RAD18: variants seen among roughly 807,000 people sequenced by gnomAD.
RAD18 encodes E3 ubiquitin-protein ligase RAD18.
RAD18 carries 47 observed loss-of-function variants against 60.4 expected under a neutral mutation model. That is an observed-to-expected ratio of 0.78 (90% CI 0.62 to 0.99). The LOEUF is 0.99. Among genes scored for constraint, RAD18 ranks in the 50% least tolerant of loss-of-function variants. RAD18 has a pLI of 0.00. For missense variants in RAD18, 640 were observed against 593.3 expected, an observed-to-expected ratio of 1.08 and a Z score of -0.82; for synonymous variants, 225 against 195.5, an observed-to-expected ratio of 1.15 and a Z score of -1.26.
At chr3:8,918,490 TA>T (rs979500933) in intron 7 of RAD18, among the ~76,000 whole-genome samples, 27 of 152,096 alleles carry the variant, frequency 1.8e-4, no homozygotes, top group Non-Finnish European at 3.4e-4. Context: ...TAAGTACAAC[TA>T]AAAACCCTGA....
rs878870076 is a variant in RAD18, at chr3:8,881,159, C to A, written c.*198G>T. On this transcript the variant is annotated 3_prime_UTR_variant, in exon 13 of 13. Transcript: ENST00000264926. The stretch of plus-strand genomic sequence containing the variant: ...TTTTTAGAGAGAGATGTTTTAGAGG[C>A]AGGAGGCAACTGACCAAGTAAGGAT... The A allele has an allele frequency of 7.7e-6, 4 of 519,906 alleles. No homozygotes were observed. Among genetic ancestry groups the A allele is most frequent in the African/African-American group, 5.9e-5 (3 of 50,930 alleles). 32.2% of individuals were successfully genotyped at this position (519,906 alleles called of 1,614,324 possible).
intron 12 of RAD18, among the ~76,000 whole-genome samples, chr3:8,885,424 C>T (rs997678879): frequency 3.3e-5 from 5 of 151,998 alleles, no homozygotes; most frequent in Admixed American, 2.0e-4. Flanking sequence ...CTTCCTTTTC[C>T]GATTTTATAA....
intron 7 of RAD18, among the ~76,000 whole-genome samples, chr3:8,920,553 A>G (rs981777206): frequency 7.2e-5 from 11 of 152,208 alleles, no homozygotes; most frequent in Non-Finnish European, 5.9e-5. Flanking sequence ...CAGCGGATGT[A>G]AAGTATAAAC....
Position 8,877,707 on chromosome 3 carries a change from A to G in RAD18, c.*3650T>C, listed in dbSNP as rs1303714816. On this transcript the variant is annotated 3_prime_UTR_variant, in exon 13 of 13. Transcript: ENST00000264926. ...TGCTCATCTTCCCTTCTGATCTACAAGCTCCATCAGGGCAGGAACTGTCTT... is the reference window on the plus strand; with the variant it reads ...TGCTCATCTTCCCTTCTGATCTACAGGCTCCATCAGGGCAGGAACTGTCTT... 1 of 152,200 alleles carries G rather than the reference A, an allele frequency of 6.6e-6. No homozygotes were observed. Among genetic ancestry groups the G allele is most frequent in the African/African-American group, 2.4e-5 (1 of 41,436 alleles). 9.4% of individuals were successfully genotyped at this position (152,200 alleles called of 1,614,324 possible).
intron 7 of RAD18, among the ~76,000 whole-genome samples, chr3:8,922,221 A>C (rs1940334717): frequency 6.6e-6 from 1 of 152,182 alleles, no homozygotes; most frequent in Non-Finnish European, 1.5e-5. Context: ...CACCTGGAAA[A>C]TTGGGTCACT....
chr3:8,881,858 A>T (rs45503596), intron 12 of RAD18, among the ~76,000 whole-genome samples: 5,031 of 152,326 alleles, frequency 0.033, 263 homozygotes, highest in African/African-American at 0.11. Flanking sequence ...TAAAATTCCA[A>T]AGAAAAATAT....
intron 12 of RAD18, among the ~76,000 whole-genome samples, chr3:8,883,090 A>G (rs1575529554): frequency 6.6e-6 from 1 of 152,344 alleles, no homozygotes; most frequent in East Asian, 1.9e-4. Context: ...ATACAAAGAG[A>G]AAAAGGAGTA....
At chr3:8,898,378 A>ATG (rs1307480671) in intron 11 of RAD18, among the ~76,000 whole-genome samples, 3 of 79,036 alleles carry the variant, frequency 3.8e-5, no homozygotes, top group Non-Finnish European at 7.8e-5. Flanking sequence ...GTGTGTGTGC[A>ATG]TGCGTGTGTG....
chr3:8,881,451 A>G lies in RAD18; in HGVS notation c.1394T>C (p.Leu465Pro). The stretch of plus-strand genomic sequence containing the variant: ...TCTTGGACTTATTTCTGTGTCTTGA[A>G]GATCGTTTCTGAAGACAGAAAAAGG... ...EAWEASHKND[L>P]QDTEISPRQN... is the part of the protein sequence containing the mutation. The change falls in exon 13 of 13, where the codon CTT becomes CCT. Residue 465 changes from leucine to proline, a missense_variant. Transcript: ENST00000264926. 6.2e-7 allele frequency: 1 copy of G among 1,606,290 alleles called. No individual in the cohort carries two copies. Among genetic ancestry groups the G allele is most frequent in the Non-Finnish European group, 8.5e-7 (1 of 1,173,090 alleles).
chr3:8,954,362 T>C (rs1267993964), intron 2 of RAD18, among the ~76,000 whole-genome samples: 2 of 152,384 alleles, frequency 1.3e-5, no homozygotes, highest in Non-Finnish European at 2.9e-5. Context: ...ACTATTAAGA[T>C]GCTAGACTCT....
intron 7 of RAD18, among the ~76,000 whole-genome samples, chr3:8,931,831 T>C (rs1183457017): frequency 6.6e-6 from 1 of 152,182 alleles, no homozygotes; most frequent in Non-Finnish European, 1.5e-5. Context: ...AGATTCTAGA[T>C]AGATTCACAT....
At chr3:8,921,557 A>T (rs1363087251) in intron 7 of RAD18, among the ~76,000 whole-genome samples, 1 of 152,130 alleles carries the variant, frequency 6.6e-6, no homozygotes, top group African/African-American at 2.4e-5. Flanking sequence ...CTGAAACAGG[A>T]GGATTCCTGG....
chr3:8,961,244 T>G (rs900114860), intron 1 of RAD18, among the ~76,000 whole-genome samples: 2 of 152,162 alleles, frequency 1.3e-5, no homozygotes, highest in African/African-American at 4.8e-5. Context: ...CACATGCGCC[T>G]CAACCAACTA....
At chr3:8,929,331 ATAACT>A (rs1440061206) in intron 7 of RAD18, among the ~76,000 whole-genome samples, 1 of 152,156 alleles carries the variant, frequency 6.6e-6, no homozygotes, top group African/African-American at 2.4e-5. Flanking sequence ...AGAAAAATTA[ATAACT>A]TATAGGTAGA....
chr3:8,913,593 A>T (rs755319244), intron 8 of RAD18, 51 bp downstream of exon 8: 1 of 1,283,498 alleles, frequency 7.8e-7, no homozygotes, highest in Non-Finnish European at 1.1e-6. Context: ...TTTGTAGGGT[A>T]TTAAACTTTC....
Position 8,952,089 on chromosome 3 carries a change from T to C in RAD18, c.134-3519A>G, listed in dbSNP as rs565959047. 3.3e-5 allele frequency among the ~76,000 whole-genome samples: 5 copies of C among 152,324 alleles called. No individual in the cohort carries two copies. In the East Asian group the frequency reaches 7.7e-4, roughly 24 times the overall value. ...ACACATTGGGGTTGGGGCTTCGACA[T>C]AGGACTTTAGGGGGGATAAAATTCA... On this transcript the variant is annotated intron_variant, in intron 2 of 12. Coordinates refer to ENST00000264926, the MANE Select transcript of RAD18 (RefSeq NM_020165.4).
Position 8,947,285 on chromosome 3 carries a change from G to A in RAD18, c.201C>T (p.Val67=). Residue 67 remains valine, a synonymous_variant, in exon 4 of 13, where the codon GTC becomes GTT. Transcript: ENST00000264926. ...KTQCPTCCVT[V]TEPDLKNNRI... ...GGTTATTTTTCAGATCCGGCTCTGT[G>A]ACAGTCTAGAAAAAACAAACAACAG... 1 of 1,606,828 alleles carries A rather than the reference G, an allele frequency of 6.2e-7. No homozygotes were observed. Among genetic ancestry groups the A allele is most frequent in the Non-Finnish European group, 8.5e-7 (1 of 1,174,292 alleles).
At chr3:8,920,274 G>A (rs1280090460) in intron 7 of RAD18, among the ~76,000 whole-genome samples, 17 of 110,818 alleles carry the variant, frequency 1.5e-4, no homozygotes, top group African/African-American at 6.2e-4. Context: ...GCGAGACTCC[G>A]TCTCAAAAAA....
chr3:8,906,337 C>T (rs1475197965), intron 9 of RAD18, among the ~76,000 whole-genome samples: 2 of 152,092 alleles, frequency 1.3e-5, no homozygotes, highest in Non-Finnish European at 2.9e-5. Context: ...AAACAAAACC[C>T]TCCCTTGACC....
Sources: allele counts gnomAD v4.1 joint callset (sites outside exome capture counted in the v4.1 genomes callset), GRCh38; gene constraint gnomAD v4.1.1; transcripts MANE v1.5; gene names NCBI Gene and HGNC (gene_info 2026-07-23, HGNC 2026-07-21).